The following SYNPR variants were observed in gnomAD, a reference collection of about 807,000 sequenced individuals.
The protein encoded by SYNPR is synaptoporin.
In SYNPR, 23 loss-of-function variants were observed where a neutral mutation model predicts 32.9. The observed-to-expected ratio is 0.70, with a 90% CI of 0.50 to 0.99. The LOEUF is 0.99. SYNPR is among the 50% of genes least tolerant of loss of function. The probability of loss-of-function intolerance (pLI) is 0.00; values close to 1 mark genes in which losing one functional copy is unlikely to be tolerated. For missense variants in SYNPR, 318 were observed against 349.3 expected, an observed-to-expected ratio of 0.91 and a Z score of 0.71; for synonymous variants, 146 against 135.9, an observed-to-expected ratio of 1.07 and a Z score of -0.52.
chr3:63,486,264 T>C (rs945810184), intron 3 of SYNPR, among the ~76,000 whole-genome samples: 1 of 152,180 alleles, frequency 6.6e-6, no homozygotes, highest in African/African-American at 2.4e-5. Context: ...CTGTTTGGTC[T>C]ATAGGCAGAG....
chr3:63,454,996 A>G lies in SYNPR; in HGVS notation c.85-25836A>G, dbSNP rs1700454817. On this transcript the variant is annotated intron_variant, in intron 2 of 5. Coordinates refer to ENST00000478300, the MANE Select transcript of SYNPR (RefSeq NM_001130003.2). ...AATTTTCCAAACTCAACTTTACTTA[A>G]GTTTTAGAATGGAAAGTTTAAACAT... Among the ~76,000 whole-genome samples the G allele has an allele frequency of 2.0e-5, 3 of 152,132 alleles. 1 individual carries two copies. Among genetic ancestry groups the G allele is most frequent in the South Asian group, 4.1e-4 (2 of 4,834 alleles).
chr3:63,513,937 C>T lies in SYNPR; in HGVS notation c.209+32981C>T, dbSNP rs535811452. Among the ~76,000 whole-genome samples the T allele has an allele frequency of 5.3e-5, 8 of 152,170 alleles. No individual in the cohort carries two copies. In the East Asian group the frequency reaches 1.2e-3, roughly 22 times the overall value. ...AGCCCTTTATATTTAATTCATAAAC[C>T]TTCTGGAAGTGCCCATAATTTGCCT... On this transcript the variant is annotated intron_variant, in intron 3 of 5. Transcript: ENST00000478300.
At chr3:63,516,621 G>T (rs1358088007) in intron 3 of SYNPR, among the ~76,000 whole-genome samples, 3 of 152,074 alleles carry the variant, frequency 2.0e-5, no homozygotes, top group Non-Finnish European at 4.4e-5. Context: ...AAGCTATCAA[G>T]TAGCCGAGGC....
intron 4 of SYNPR, among the ~76,000 whole-genome samples, chr3:63,593,056 A>G (rs1216153600): frequency 6.6e-6 from 1 of 152,064 alleles, no homozygotes; most frequent in African/African-American, 2.4e-5. Context: ...GATAATTCCT[A>G]TTCTAAAAAC....
At chr3:63,494,405 A>ATATATACACATATATATATATACG (rs1427127802) in intron 3 of SYNPR, among the ~76,000 whole-genome samples, 1 of 53,218 alleles carries the variant, frequency 1.9e-5, no homozygotes, top group African/African-American at 1.0e-4. Context: ...ATATATATAT[A>ATATATACACATATATATATATACG]TATATATATA....
At chr3:63,346,331 G>T (rs1327796261) in intron 2 of SYNPR, among the ~76,000 whole-genome samples, 1 of 151,848 alleles carries the variant, frequency 6.6e-6, no homozygotes, top group Non-Finnish European at 1.5e-5. Flanking sequence ...GTAGATTTAT[G>T]TTTATATAAA....
chr3:63,347,360 G>A (rs1390310213), intron 2 of SYNPR, among the ~76,000 whole-genome samples: 3 of 152,122 alleles, frequency 2.0e-5, no homozygotes, highest in Non-Finnish European at 4.4e-5. Context: ...TTAGTAGGAG[G>A]TAGGCTACTT....
intron 2 of SYNPR, among the ~76,000 whole-genome samples, chr3:63,413,265 A>G (rs960932533): frequency 2.0e-5 from 3 of 152,140 alleles, no homozygotes; most frequent in Admixed American, 1.3e-4. Context: ...ATTGCTTTTT[A>G]TCATATTCCA....
intron 2 of SYNPR, among the ~76,000 whole-genome samples, chr3:63,393,399 G>C (rs1387231321): frequency 1.3e-5 from 2 of 151,270 alleles, no homozygotes; most frequent in Non-Finnish European, 2.9e-5. Flanking sequence ...CTTTTCATTA[G>C]TGTTGGACTG....
chr3:63,494,460 C>CGTAT (rs1559516410), intron 3 of SYNPR, among the ~76,000 whole-genome samples: 8,013 of 73,860 alleles, frequency 0.11, 822 homozygotes, highest in East Asian at 0.2. Context: ...CATATATATA[C>CGTAT]ATATATACAC....
At chr3:63,279,729 G>T (rs1290957981) in intron 2 of SYNPR, among the ~76,000 whole-genome samples, 1 of 152,208 alleles carries the variant, frequency 6.6e-6, no homozygotes, top group East Asian at 1.9e-4. Context: ...CCTGTTCTCT[G>T]TTCCCAGATC....
intron 2 of SYNPR, among the ~76,000 whole-genome samples, chr3:63,475,758 C>A (rs750402051): frequency 6.6e-6 from 1 of 152,102 alleles, no homozygotes; most frequent in Non-Finnish European, 1.5e-5. Context: ...ACTCCTTAGC[C>A]TTCCAGGTCT....
At chr3:63,583,434 A>C (rs2106865177) in intron 4 of SYNPR, among the ~76,000 whole-genome samples, 1 of 152,186 alleles carries the variant, frequency 6.6e-6, no homozygotes, top group Non-Finnish European at 1.5e-5. Context: ...AGAAAATATA[A>C]GTTTCTTCTG....
At position 63,370,981 on chromosome 3, in the gene SYNPR, A is replaced by T. The variant is rs115128556; in HGVS notation, c.84+92239A>T. 5.5e-3 allele frequency among the ~76,000 whole-genome samples: 835 copies of T among 152,262 alleles called. 6 individuals carry two copies. The highest frequency in any genetic ancestry group is 0.019 in the African/African-American group (799 of 41,560). On this transcript the variant is annotated intron_variant, in intron 2 of 5. Transcript: ENST00000478300. ...GAGCTAGCGTGCACTGCTCTCACGG[A>T]CAGAAGAAACAGTGGTGAGTAAACC...
the SYNPR span, among the ~76,000 whole-genome samples, chr3:63,207,057 T>C: frequency 6.6e-6 from 1 of 152,210 alleles, no homozygotes; most frequent in Non-Finnish European, 1.5e-5. Flanking sequence ...TGGTTCCTGA[T>C]GTTTCAGGTC....
chr3:63,325,082 G>T (rs1197194060), intron 2 of SYNPR, among the ~76,000 whole-genome samples: 1 of 152,050 alleles, frequency 6.6e-6, no homozygotes, highest in Non-Finnish European at 1.5e-5. Flanking sequence ...TGAGCCTTCT[G>T]CATTTATATC....
At chr3:63,440,835 A>G (rs1415560915) in intron 2 of SYNPR, among the ~76,000 whole-genome samples, 1 of 152,158 alleles carries the variant, frequency 6.6e-6, no homozygotes, top group Non-Finnish European at 1.5e-5. Context: ...CCCAAATGTT[A>G]AAGTGCCCAA....
intron 2 of SYNPR, among the ~76,000 whole-genome samples, chr3:63,437,816 T>C (rs984097029): frequency 5.3e-5 from 8 of 152,186 alleles, no homozygotes; most frequent in Non-Finnish European, 8.8e-5. Flanking sequence ...CTGACCTCAG[T>C]CTCCTCTCAC....
At chr3:63,335,964 C>T (rs1405244861) in intron 2 of SYNPR, among the ~76,000 whole-genome samples, 2 of 151,836 alleles carry the variant, frequency 1.3e-5, no homozygotes, top group African/African-American at 2.4e-5. Flanking sequence ...GTAATAGAGA[C>T]GGGGTTACTC....
Sources: allele counts gnomAD v4.1 joint callset (sites outside exome capture counted in the v4.1 genomes callset), GRCh38; gene constraint gnomAD v4.1.1; transcripts MANE v1.5; gene names NCBI Gene and HGNC (gene_info 2026-07-23, HGNC 2026-07-21).